Variants in ACADVL observed in about 807,000 individuals in gnomAD.
ACADVL encodes acyl-CoA dehydrogenase very long chain, also known as very long-chain acyl-CoA dehydrogenase, mitochondrial.
In ACADVL, 73 loss-of-function variants were observed where a neutral mutation model predicts 80.4. That is an observed-to-expected ratio of 0.91 (90% CI 0.75 to 1.10). The LOEUF (loss-of-function observed/expected upper bound fraction) is 1.10. Among genes scored for constraint, ACADVL ranks in the 50% least tolerant of loss-of-function variants. The probability of loss-of-function intolerance (pLI) is 0.00; values close to 1 mark genes in which losing one functional copy is unlikely to be tolerated. For synonymous variants in ACADVL, 392 were observed against 326.5 expected (o/e 1.20, Z -2.16); for missense variants, 878 against 858.9 (o/e 1.02, Z -0.28).
At chr17:7,217,748 G>GAA, upstream of ACADVL, 1 of 1,535,354 alleles carries the variant, frequency 6.5e-7, no homozygotes, top group Non-Finnish European at 8.7e-7. Flanking sequence ...GATAGAAGCA[G>GAA]AAGCACAGAG....
intron 12 of ACADVL, 37 bp downstream of exon 12, chr17:7,223,767 G>A: frequency 3.7e-6 from 6 of 1,614,084 alleles, no homozygotes; most frequent in Non-Finnish European, 5.1e-6. Flanking sequence ...AGTCCAGTTT[G>A]GGTGCTCAGC....
In ACADVL at chr17:7,222,204, G is replaced by C. The variant is rs140871321; in HGVS notation, c.780G>C (p.Thr260=). 2 of 1,613,946 alleles carry C rather than the reference G, an allele frequency of 1.2e-6. No individual in the cohort carries two copies. The highest frequency in any genetic ancestry group is 2.7e-5 in the African/African-American group (2 of 74,878). Residue 260 remains threonine (T), a synonymous_variant, in exon 9 of 20, where the codon ACG becomes ACC. Coordinates refer to ENST00000356839, the MANE Select transcript of ACADVL (RefSeq NM_000018.4). ...ISNGGLADIF[T]VFAKTPVTDP... ...ATGGGGGCCTAGCAGACATCTTCAC[G>C]GTCTTTGCCAAGACACCAGTTACAG...
rs1057523216 is a variant in ACADVL at position 7,223,965 on chromosome 17, T to C, written c.1333-3T>C. On this transcript the variant is annotated splice_region_variant and splice_polypyrimidine_tract_variant and intron_variant, in intron 13 of 19. Coordinates refer to ENST00000356839, the MANE Select transcript of ACADVL (RefSeq NM_000018.4). ...GCATATAATTTGTGTGGCCCTGTGC[T>C]AGGAACCTGGAGTAGAGCGTGTGCT... 6.2e-7 allele frequency: 1 copy of C among 1,614,038 alleles called. No individual in the cohort carries two copies. Among genetic ancestry groups the C allele is most frequent in the Non-Finnish European group, 8.5e-7 (1 of 1,180,028 alleles).
chr17:7,218,852 CTCTCT>C (rs770041313), upstream of ACADVL: 1 of 1,613,742 alleles, frequency 6.2e-7, no homozygotes, highest in East Asian at 2.2e-5. Context: ...TGGGACATCT[CTCTCT>C]TCTCTCACTT....
rs779770406 is a variant in ACADVL, at chr17:7,224,387, C to T, written c.1599C>T (p.Gly533=). 29 of 1,613,570 alleles carry T rather than the reference C, an allele frequency of 1.8e-5. No individual in the cohort carries two copies. Among genetic ancestry groups the T allele is most frequent in the Middle Eastern group, 3.3e-4 (2 of 6,082 alleles). The change falls in exon 16 of 20, where the codon GGC becomes GGT. Residue 533 remains glycine (G), a synonymous_variant. Coordinates refer to ENST00000356839, the MANE Select transcript of ACADVL (RefSeq NM_000018.4). ...TCCACCCGGAGTTGAGTCGGAGTGG[C>T]GAGCTGGTAAGTGGCCAGGGGTCCA... ...GLVHPELSRS[G]ELAVRALEQF... is the part of the protein sequence containing the mutation.
At chr17:7,217,240 C>T (rs2070961252), upstream of ACADVL, 9 of 1,255,110 alleles carry the variant, frequency 7.2e-6, no homozygotes, top group South Asian at 7.2e-5. Flanking sequence ...CTCCCCCCTC[C>T]GCACCCCACT....
rs1320370240 is a variant in ACADVL, at chr17:7,224,251, TA to T, written c.1532+9del. 1 of 1,613,724 alleles carries T rather than the reference TA, an allele frequency of 6.2e-7. No individual in the cohort carries two copies. ...AGGCAAACAGCTGAGGCGGTAGGCT[TA>T]GGGCCAGAGCCAGGGGAGGGCAGGG... On this transcript the variant is annotated intron_variant, in intron 15 of 19. Coordinates refer to ENST00000356839, the MANE Select transcript of ACADVL (RefSeq NM_000018.4).
chr17:7,223,752 G>A (rs540848384), intron 12 of ACADVL, 22 bp downstream of exon 12: 7 of 1,614,138 alleles, frequency 4.3e-6, no homozygotes, highest in Middle Eastern at 1.6e-4. Context: ...GGCATGCTGG[G>A]AGGGAGTCCA....
chr17:7,221,094 T>C (rs771337551), intron 6 of ACADVL, 36 bp downstream of exon 6: 1 of 1,611,952 alleles, frequency 6.2e-7, no homozygotes, highest in Non-Finnish European at 8.5e-7. Context: ...CAGTATGCCA[T>C]ACCCCAGCTT....
chr17:7,219,857 G>A, upstream of ACADVL: 1 of 1,538,982 alleles, frequency 6.5e-7, no homozygotes, highest in Non-Finnish European at 8.7e-7. Flanking sequence ...ATGCCCCGGG[G>A]CCCGCAACCG....
In ACADVL at chr17:7,220,909, C is replaced by T; in HGVS notation, c.343-15C>T. On this transcript the variant is annotated splice_polypyrimidine_tract_variant and intron_variant, in intron 5 of 19. Transcript: ENST00000356839. ...TCAAAAGGAGCCTGGATGTGGGATCCTGTGCCTTCCCCAGGAAGTGAACGA... is the reference window on the plus strand; with the variant it reads ...TCAAAAGGAGCCTGGATGTGGGATCTTGTGCCTTCCCCAGGAAGTGAACGA... 1 of 1,614,116 alleles carries T rather than the reference C, an allele frequency of 6.2e-7. No individual in the cohort carries two copies. Among genetic ancestry groups the T allele is most frequent in the Non-Finnish European group, 8.5e-7 (1 of 1,180,040 alleles).
chr17:7,219,001 C>T (rs2071064806), upstream of ACADVL: 1 of 766,792 alleles, frequency 1.3e-6, no homozygotes, highest in Non-Finnish European at 2.2e-6. Flanking sequence ...GCACCGCCAC[C>T]ATCTTGCTCC....
chr17:7,220,453 T>G lies in ACADVL; in HGVS notation c.139-11T>G. On this transcript the variant is annotated splice_polypyrimidine_tract_variant and intron_variant, in intron 2 of 19. Transcript: ENST00000356839. ...CCCTTCCCTGAACTTGCTAACCGTC[T>G]CTTTTCCCAGCTGGCTCTGGACAAG... 3.1e-6 allele frequency: 5 copies of G among 1,614,198 alleles called. No individual in the cohort carries two copies. The highest frequency in any genetic ancestry group is 4.2e-6 in the Non-Finnish European group (5 of 1,180,030).
intron 17 of ACADVL, 21 bp from the exon 18 acceptor site, chr17:7,224,621 C>T (rs1172495397): frequency 6.5e-7 from 1 of 1,529,758 alleles, no homozygotes. Context: ...CACCCCCACC[C>T]CCACCCCACC....
chr17:7,220,811 C>T lies in ACADVL; in HGVS notation c.323C>T (p.Pro108Leu). Residue 108 changes from proline to leucine, a missense_variant, in exon 5 of 20, where the codon CCT (proline) becomes CTT (leucine). Transcript: ENST00000356839. ...CAGTTTCTTAAAGAGCTGGTGGAGC[C>T]TGTGTCCCGTTTCTTCGAGGTAAGG... ...QTQFLKELVE[P>L]VSRFFEEVND... 11 of 1,614,122 alleles carry T rather than the reference C, an allele frequency of 6.8e-6. No individual in the cohort carries two copies. The highest frequency in any genetic ancestry group is 8.5e-6 in the Non-Finnish European group (10 of 1,180,032).
At chr17:7,223,404 C>T (rs748829185) in intron 11 of ACADVL, 167 bp downstream of exon 11, 8 of 816,222 alleles carry the variant, frequency 9.8e-6, no homozygotes, top group Non-Finnish European at 1.5e-5. Context: ...AGAGAGACAG[C>T]AATGATGTTC....
chr17:7,224,449 T>C (rs770366200), intron 16 of ACADVL, 31 bp from the exon 17 acceptor site: 4 of 1,613,832 alleles, frequency 2.5e-6, no homozygotes, highest in Non-Finnish European at 2.5e-6. Context: ...CGATGGCCCC[T>C]CTGAGCCCCG....
At chr17:7,223,477 T>C (rs2071330833) in intron 11 of ACADVL, 167 bp from the exon 12 acceptor site, 1 of 885,382 alleles carries the variant, frequency 1.1e-6, no homozygotes, top group Non-Finnish European at 1.9e-6. Context: ...ATCCACCCCT[T>C]TTAAGAAAAC....
At chr17:7,218,211 G>A (rs960172345), upstream of ACADVL, 5 of 1,596,596 alleles carry the variant, frequency 3.1e-6, 1 homozygote, top group Admixed American at 3.4e-5. Context: ...TGCCCCTCAG[G>A]AAGTTAGGCG....
Sources: gnomAD v4.1 joint callset for allele counts on GRCh38, gnomAD v4.1.1 for gene constraint, MANE v1.5 for transcripts, NCBI Gene and HGNC (gene_info 2026-07-23, HGNC 2026-07-21) for gene names.